DYNC1I1: variants seen among roughly 807,000 people sequenced by gnomAD.
DYNC1I1 encodes dynein cytoplasmic 1 intermediate chain 1.
In DYNC1I1, 43 loss-of-function variants were observed where a neutral mutation model predicts 86.6. That is an observed-to-expected ratio of 0.50 (90% CI 0.39 to 0.64). DYNC1I1 has a LOEUF of 0.64. Among genes scored for constraint, DYNC1I1 ranks in the 30% least tolerant of loss-of-function variants. The probability of loss-of-function intolerance (pLI) is 0.00; values close to 1 mark genes in which losing one functional copy is unlikely to be tolerated. For missense variants in DYNC1I1, 604 were observed against 788.8 expected, an observed-to-expected ratio of 0.77 and a Z score of 2.81; for synonymous variants, 262 against 283.7, an observed-to-expected ratio of 0.92 and a Z score of 0.77.
At chr7:95,814,546 C>CATT (rs1794905056) in intron 4 of DYNC1I1, among the ~76,000 whole-genome samples, 1 of 152,118 alleles carries the variant, frequency 6.6e-6, no homozygotes, top group African/African-American at 2.4e-5. Flanking sequence ...TCACCTAAGG[C>CATT]ATTAGCATAA....
At chr7:96,049,200 G>C (rs938703804) in intron 14 of DYNC1I1, among the ~76,000 whole-genome samples, 2 of 147,812 alleles carry the variant, frequency 1.4e-5, no homozygotes, top group Admixed American at 1.4e-4. Flanking sequence ...AGAGCTTGCA[G>C]TGAGCCAAGA....
chr7:95,977,374 C>A, intron 6 of DYNC1I1, 138 bp from the exon 7 acceptor site: 1 of 596,598 alleles, frequency 1.7e-6, no homozygotes. Flanking sequence ...TTATCTTGGG[C>A]ATTCATTGTG....
chr7:95,832,832 T>C (rs937426393), intron 5 of DYNC1I1, among the ~76,000 whole-genome samples: 6 of 152,228 alleles, frequency 3.9e-5, no homozygotes, highest in African/African-American at 1.4e-4. Flanking sequence ...TTTTTTCTTG[T>C]ACATTTGTTT....
intron 5 of DYNC1I1, among the ~76,000 whole-genome samples, chr7:95,852,937 T>G (rs576364774): frequency 6.6e-6 from 1 of 152,338 alleles, no homozygotes; most frequent in Admixed American, 6.5e-5. Flanking sequence ...CTATAAACTT[T>G]TATTCCATGT....
intron 14 of DYNC1I1, 57 bp from the exon 15 acceptor site, chr7:96,076,000 A>G: frequency 6.3e-7 from 1 of 1,589,438 alleles, no homozygotes; most frequent in South Asian, 1.1e-5. Flanking sequence ...TAGGCTCTCT[A>G]GACAGCCCGA....
At chr7:95,894,181 TG>T (rs1790815215) in intron 6 of DYNC1I1, among the ~76,000 whole-genome samples, 1 of 151,914 alleles carries the variant, frequency 6.6e-6, no homozygotes, top group African/African-American at 2.4e-5. Context: ...AATGCTATAA[TG>T]AGACACCATA....
chr7:96,106,390 C>T (rs941506015), intron 16 of DYNC1I1, among the ~76,000 whole-genome samples: 6 of 151,948 alleles, frequency 3.9e-5, no homozygotes, highest in Admixed American at 3.3e-4. Context: ...AAAAAATTAG[C>T]CAGGTGTGGT....
intron 14 of DYNC1I1, among the ~76,000 whole-genome samples, chr7:96,057,603 C>T (rs755785078): frequency 6.6e-6 from 1 of 152,104 alleles, no homozygotes; most frequent in African/African-American, 2.4e-5. Context: ...TAATTTTAAT[C>T]AATGCCAGAA....
intron 5 of DYNC1I1, among the ~76,000 whole-genome samples, chr7:95,831,430 T>C (rs1788898313): frequency 6.6e-6 from 1 of 152,172 alleles, no homozygotes; most frequent in Non-Finnish European, 1.5e-5. Flanking sequence ...TGGAGTGCAG[T>C]GGTGTGATCT....
intron 9 of DYNC1I1, among the ~76,000 whole-genome samples, chr7:95,987,900 A>G (rs1227766471): frequency 6.6e-6 from 1 of 152,190 alleles, no homozygotes; most frequent in Non-Finnish European, 1.5e-5. Context: ...AACTTTCATC[A>G]ACATTGCCAA....
intron 14 of DYNC1I1, among the ~76,000 whole-genome samples, chr7:96,049,639 C>T (rs907954375): frequency 1.3e-5 from 2 of 152,090 alleles, no homozygotes; most frequent in Admixed American, 1.3e-4. Flanking sequence ...AGGAAAAATC[C>T]TCCAAATCGT....
chr7:95,912,982 A>G (rs999434739), intron 6 of DYNC1I1, among the ~76,000 whole-genome samples: 2 of 152,182 alleles, frequency 1.3e-5, no homozygotes, highest in African/African-American at 2.4e-5. Context: ...GTTGGCTAAA[A>G]AAAAGAAAGA....
intron 1 of DYNC1I1, among the ~76,000 whole-genome samples, chr7:95,796,682 G>A (rs776798779): frequency 6.6e-6 from 1 of 151,938 alleles, no homozygotes; most frequent in Non-Finnish European, 1.5e-5. Flanking sequence ...CCTCTGTTTA[G>A]ATTATTTATA....
intron 6 of DYNC1I1, among the ~76,000 whole-genome samples, chr7:95,887,682 T>G (rs147577453): frequency 6.6e-6 from 1 of 152,278 alleles, no homozygotes; most frequent in African/African-American, 2.4e-5. Context: ...GGTTGCAAAA[T>G]ATCTGTCTTT....
At chr7:95,998,695 T>C in intron 10 of DYNC1I1, among the ~76,000 whole-genome samples, 1 of 152,238 alleles carries the variant, frequency 6.6e-6, no homozygotes, top group East Asian at 1.9e-4. Context: ...TACCTTATGA[T>C]GACTGTACTT....
intron 4 of DYNC1I1, among the ~76,000 whole-genome samples, chr7:95,816,179 A>G (rs1179621344): frequency 1.3e-5 from 2 of 151,976 alleles, no homozygotes; most frequent in Non-Finnish European, 2.9e-5. Context: ...CACCATGCAC[A>G]GCTAATTTTT....
At chr7:96,011,481 T>G (rs1448901755) in intron 10 of DYNC1I1, among the ~76,000 whole-genome samples, 3 of 152,172 alleles carry the variant, frequency 2.0e-5, no homozygotes, top group Admixed American at 6.5e-5. Context: ...TCAAAGTAGG[T>G]GCCAAATATT....
intron 16 of DYNC1I1, among the ~76,000 whole-genome samples, chr7:96,096,635 T>C (rs1295311251): frequency 6.6e-6 from 1 of 152,146 alleles, no homozygotes; most frequent in Admixed American, 6.6e-5. Context: ...ATTCATACAT[T>C]CAGTTTGCAT....
chr7:95,868,307 A>T (rs1407622057), intron 5 of DYNC1I1, among the ~76,000 whole-genome samples: 1 of 152,210 alleles, frequency 6.6e-6, no homozygotes, highest in Non-Finnish European at 1.5e-5. Flanking sequence ...ATCTCATCTC[A>T]ATTGTGTTAG....
Sources: gnomAD v4.1 joint callset for allele counts (sites outside exome capture counted in the v4.1 genomes callset) on GRCh38, gnomAD v4.1.1 for gene constraint, MANE v1.5 for transcripts, NCBI Gene and HGNC (gene_info 2026-07-23, HGNC 2026-07-21) for gene names.